Variants in KLHL18 observed in about 807,000 individuals in gnomAD.
KLHL18 encodes kelch like family member 18.
A neutral mutation model predicts 58.5 loss-of-function variants in KLHL18; 38 were observed. The ratio of observed to expected loss-of-function variants is 0.65; its 90% CI spans 0.50 to 0.85. The LOEUF is 0.85. Ranked by LOEUF, KLHL18 falls within the 40% of genes least tolerant of loss-of-function variation. The pLI, the probability that KLHL18 is intolerant of heterozygous loss-of-function variation, is 0.00. For synonymous variants in KLHL18, 303 were observed against 301.9 expected, an observed-to-expected ratio of 1.00 and a Z score of -0.04; for missense variants, 624 against 778.4, an observed-to-expected ratio of 0.80 and a Z score of 2.36.
Position 47,321,407 on chromosome 3 carries a change from CATG to C in KLHL18, c.261-1158_261-1156del, listed in dbSNP as rs900196539. Among the ~76,000 whole-genome samples the C allele has an allele frequency of 2.6e-4, 39 of 148,100 alleles. 1 individual carries two copies. The highest frequency in any genetic ancestry group is 1.7e-3 in the Admixed American group (26 of 14,880). Reference sequence around the variant, plus strand: ...TGTCGCCCAGGCTAGAATGCAATGACATGATCTCTGTTCACTGCAACAACCTCC... The same window carrying C: ...TGTCGCCCAGGCTAGAATGCAATGACATCTCTGTTCACTGCAACAACCTCC... On this transcript the variant is annotated intron_variant, in intron 2 of 9. Transcript: ENST00000232766.
In KLHL18 at chr3:47,342,711, T is replaced by C. The variant is rs547351323; in HGVS notation, c.1227-8T>C. 6 of 1,612,932 alleles carry C rather than the reference T, an allele frequency of 3.7e-6. No individual in the cohort carries two copies. The highest frequency in any genetic ancestry group is 5.1e-6 in the Non-Finnish European group (6 of 1,178,938). On this transcript the variant is annotated splice_polypyrimidine_tract_variant and splice_region_variant and intron_variant, in intron 8 of 9. Transcript: ENST00000232766. ...TGCTTCCCCTCCTATTTTGACTCTT[T>C]CCTGAAGATGGACAGTGGTGACCTC...
At chr3:47,330,178 G>A (rs940791022) in intron 4 of KLHL18, 29 bp downstream of exon 4, 9 of 1,592,858 alleles carry the variant, frequency 5.7e-6, no homozygotes, top group Non-Finnish European at 6.9e-6. Context: ...AGTCTGTGCA[G>A]GTGACATGAG....
At chr3:47,285,288 A>G (rs1047216029) in intron 1 of KLHL18, among the ~76,000 whole-genome samples, 3 of 152,248 alleles carry the variant, frequency 2.0e-5, no homozygotes, top group African/African-American at 7.2e-5. Context: ...GTTTTTGTCC[A>G]CAGTGATTAC....
At position 47,300,637 on chromosome 3, in the gene KLHL18, C is replaced by CTTTTTTTTT. The variant is rs10687949; in HGVS notation, c.129+17554_129+17562dup. Among the ~76,000 whole-genome samples, 124 of 76,892 alleles carry CTTTTTTTTT rather than the reference C, an allele frequency of 1.6e-3. 6 individuals are homozygous for CTTTTTTTTT. The highest frequency in any genetic ancestry group is 2.7e-3 in the Admixed American group (12 of 4,456). 50.4% of individuals were successfully genotyped at this position (76,892 alleles called of 152,430 possible). Reference sequence around the variant, plus strand: ...TGAGTAGTGGTATCTCATTGTGATTCTTTTTTTTTTTTTTTTTTTGAGACA... The same window carrying CTTTTTTTTT: ...TGAGTAGTGGTATCTCATTGTGATTCTTTTTTTTTTTTTTTTTTTTTTTTTTTTGAGACA... On this transcript the variant is annotated intron_variant, in intron 1 of 9. Coordinates refer to ENST00000232766, the MANE Select transcript of KLHL18 (RefSeq NM_025010.5).
intron 1 of KLHL18, among the ~76,000 whole-genome samples, chr3:47,304,814 A>C (rs148215752): frequency 4.6e-5 from 7 of 152,270 alleles, no homozygotes; most frequent in African/African-American, 1.7e-4. Context: ...ACTTGAGCTC[A>C]CAAGTCCAAG....
chr3:47,327,397 T>C (rs1258734147), intron 3 of KLHL18, among the ~76,000 whole-genome samples: 1 of 152,252 alleles, frequency 6.6e-6, no homozygotes, highest in Non-Finnish European at 1.5e-5. Context: ...CCCATATCCT[T>C]GGACTTGATC....
chr3:47,340,754 T>C, intron 8 of KLHL18, 78 bp downstream of exon 8: 1 of 1,529,982 alleles, frequency 6.5e-7, no homozygotes, highest in Non-Finnish European at 9.0e-7. Flanking sequence ...GTTTTTTTAA[T>C]TTAAGCTTCT....
chr3:47,298,629 T>C (rs2107590824), intron 1 of KLHL18, among the ~76,000 whole-genome samples: 1 of 152,312 alleles, frequency 6.6e-6, no homozygotes, highest in East Asian at 1.9e-4. Flanking sequence ...TTTGCTCTTG[T>C]CAAGGTTACT....
rs1458780408 is a variant in KLHL18 at position 47,330,058 on chromosome 3, T to C, written c.509T>C (p.Val170Ala). The change falls in exon 4 of 10, where the codon GTG becomes GCG. Residue 170 changes from valine to alanine, a missense_variant. Coordinates refer to ENST00000232766, the MANE Select transcript of KLHL18 (RefSeq NM_025010.5). ...NSFIHQHFVE[V>A]SMSEEFLALP... Reference sequence around the variant, plus strand: ...TTCATCCACCAGCACTTTGTGGAGGTGTCCATGTCAGAAGAGTTCCTGGCC... The same window carrying C: ...TTCATCCACCAGCACTTTGTGGAGGCGTCCATGTCAGAAGAGTTCCTGGCC... 2 of 1,614,030 alleles carry C rather than the reference T, an allele frequency of 1.2e-6. No homozygotes were observed. Among genetic ancestry groups the C allele is most frequent in the Non-Finnish European group, 1.7e-6 (2 of 1,179,988 alleles).
rs1336148689 is a variant in KLHL18, at chr3:47,343,581, C to T, written c.1365C>T (p.Ala455=). 1 of 1,613,836 alleles carries T rather than the reference C, an allele frequency of 6.2e-7. No individual in the cohort carries two copies. Among genetic ancestry groups the T allele is most frequent in the South Asian group, 1.1e-5 (1 of 91,058 alleles). The change falls in exon 10 of 10, where the codon GCC becomes GCT. Residue 455 remains alanine, a synonymous_variant. Coordinates refer to ENST00000232766, the MANE Select transcript of KLHL18 (RefSeq NM_025010.5). ...TGGAACACTACAACCACCACACAGC[C>T]ACCTGGCACCCTGCAGCTGGCATGC... ...SSVEHYNHHT[A]TWHPAAGMLN...
At chr3:47,335,788 G>A (rs1387471622) in intron 6 of KLHL18, among the ~76,000 whole-genome samples, 1 of 152,172 alleles carries the variant, frequency 6.6e-6, no homozygotes, top group Non-Finnish European at 1.5e-5. Flanking sequence ...GATTACAGGT[G>A]TGAGCCACCG....
chr3:47,320,545 A>G (rs142269495), intron 2 of KLHL18, among the ~76,000 whole-genome samples: 1 of 152,306 alleles, frequency 6.6e-6, no homozygotes, highest in African/African-American at 2.4e-5. Context: ...GAAAAGAGCT[A>G]GGAGACTGTG....
At position 47,336,741 on chromosome 3, in the gene KLHL18, A is replaced by G; in HGVS notation, c.1105A>G (p.Met369Val). 6.2e-7 allele frequency: 1 copy of G among 1,614,122 alleles called. No homozygotes were observed. Residue 369 changes from methionine (M) to valine (V), a missense_variant, in exon 7 of 10, where the codon ATG becomes GTG. By Grantham distance (21) the Met-to-Val change is conservative (BLOSUM62 1). Coordinates refer to ENST00000232766, the MANE Select transcript of KLHL18 (RefSeq NM_025010.5). ...AGACACATGGACCAGAGTGGGGAGC[A>G]TGAATAGCAAGAGAAGGTATTCTGG... The part of the protein sequence containing the change: ...ETDTWTRVGS[M>V]NSKRSAMGTV...
At chr3:47,290,363 G>A (rs778537703) in intron 1 of KLHL18, among the ~76,000 whole-genome samples, 1 of 152,084 alleles carries the variant, frequency 6.6e-6, no homozygotes, top group Admixed American at 6.5e-5. Context: ...ACATTGTATT[G>A]GAAAACTTGT....
chr3:47,322,576 A>G lies in KLHL18; in HGVS notation c.269A>G (p.Glu90Gly). The G allele has an allele frequency of 6.2e-7, 1 of 1,603,278 alleles. No homozygotes were observed. The highest frequency in any genetic ancestry group is 1.3e-5 in the African/African-American group (1 of 74,678). ...TTCCCTCTTTCCTCTAGTGCCCTGG[A>G]GGCTCTGATCAACTTTGCCTACAAC... ...VMQGMDPSAL[E>G]ALINFAYNGN... Residue 90 changes from glutamate to glycine, a missense_variant, in exon 3 of 10, where the codon GAG (glutamate) becomes GGG (glycine). Transcript: ENST00000232766.
rs192123860 is a variant in KLHL18 at position 47,295,053 on chromosome 3, G to A, written c.129+11959G>A. Among the ~76,000 whole-genome samples the A allele has an allele frequency of 3.3e-5, 5 of 152,282 alleles. No individual in the cohort carries two copies. In the East Asian group the frequency reaches 7.7e-4, roughly 23 times the overall value. ...ATGTTTGAGAAAGCTTGTGTTTTCCGTGTATATGGCTTAGCATTTTAAGTA... is the reference window on the plus strand; with the variant it reads ...ATGTTTGAGAAAGCTTGTGTTTTCCATGTATATGGCTTAGCATTTTAAGTA... On this transcript the variant is annotated intron_variant, in intron 1 of 9. Coordinates refer to ENST00000232766, the MANE Select transcript of KLHL18 (RefSeq NM_025010.5).
intron 2 of KLHL18, among the ~76,000 whole-genome samples, chr3:47,321,034 G>A (rs545755139): frequency 1.3e-5 from 2 of 152,332 alleles, no homozygotes; most frequent in East Asian, 1.9e-4. Flanking sequence ...AGGCATGCTC[G>A]TCCCATGAAT....
At chr3:47,336,384 G>A (rs1703984769) in intron 6 of KLHL18, 151 bp from the exon 7 acceptor site, 3 of 677,476 alleles carry the variant, frequency 4.4e-6, no homozygotes, top group South Asian at 1.9e-5. Context: ...GATCATGGCT[G>A]AAATTTCTTA....
intron 1 of KLHL18, among the ~76,000 whole-genome samples, chr3:47,313,285 A>C (rs937812245): frequency 6.7e-6 from 1 of 149,252 alleles, no homozygotes; most frequent in Non-Finnish European, 1.5e-5. Context: ...TGGTGTGATT[A>C]TAACTTCCTG....
Sources: allele counts gnomAD v4.1 joint callset (sites outside exome capture counted in the v4.1 genomes callset), GRCh38; gene constraint gnomAD v4.1.1; transcripts MANE v1.5; gene names NCBI Gene and HGNC (gene_info 2026-07-23, HGNC 2026-07-21).